The following ARHGAP12 variants were observed in gnomAD, a reference collection of about 807,000 sequenced individuals.
The protein encoded by ARHGAP12 is Rho GTPase activating protein 12.
In ARHGAP12, 64 loss-of-function variants were observed where a neutral mutation model predicts 108.6. The observed-to-expected ratio is 0.59, with a 90% CI of 0.48 to 0.73. The LOEUF is 0.73. Ranked by LOEUF, ARHGAP12 falls within the 30% of genes least tolerant of loss-of-function variation. The pLI, the probability that ARHGAP12 is intolerant of heterozygous loss-of-function variation, is 0.00. For missense variants in ARHGAP12, 940 were observed against 1,005.9 expected (o/e 0.93, Z 0.89); for synonymous variants, 312 against 337.2 (o/e 0.93, Z 0.82).
At chr10:31,902,355 C>CCTTTATA (rs1838963908) in intron 3 of ARHGAP12, among the ~76,000 whole-genome samples, 24 of 150,256 alleles carry the variant, frequency 1.6e-4, no homozygotes, top group Admixed American at 1.5e-3. Flanking sequence ...GAATCTTGAT[C>CCTTTATA]TAAGGCTCAC....
chr10:31,852,016 C>A (rs995499627), intron 6 of ARHGAP12, among the ~76,000 whole-genome samples: 2 of 152,162 alleles, frequency 1.3e-5, no homozygotes, highest in Non-Finnish European at 2.9e-5. Flanking sequence ...AGCCCTGGTA[C>A]ACTTGTCTGG....
At chr10:31,896,201 C>A (rs1308951161) in intron 3 of ARHGAP12, among the ~76,000 whole-genome samples, 1 of 150,566 alleles carries the variant, frequency 6.6e-6, no homozygotes, top group Non-Finnish European at 1.5e-5. Context: ...AACAAACCTG[C>A]ACATTGTGCA....
rs1335132233 is a variant in ARHGAP12 at position 31,807,732 on chromosome 10, C to T, written c.2467G>A (p.Ala823Thr). Residue 823 changes from alanine to threonine, a missense_variant, in exon 20 of 20, where the codon GCA (alanine) becomes ACA (threonine). Coordinates refer to ENST00000344936, the MANE Select transcript of ARHGAP12 (RefSeq NM_018287.7). Reference sequence around the variant, plus strand: ...TGATTCTGGTACACAGTATGAACTGCTATATTACCAGTCTCTTTTTCTGGT... The same window carrying T: ...TGATTCTGGTACACAGTATGAACTGTTATATTACCAGTCTCTTTTTCTGGT... Reference protein sequence around the residue: ...LKPEKETGNIAVHTVYQNQIV... With the variant: ...LKPEKETGNITVHTVYQNQIV... 11 of 1,608,632 alleles carry T rather than the reference C, an allele frequency of 6.8e-6. 1 individual carries two copies. The South Asian group carries it at 1.2e-4, about 18-fold the overall frequency.
rs567062294 is a variant in ARHGAP12 at position 31,905,071 on chromosome 10, G to A, written c.684+3101C>T. Among the ~76,000 whole-genome samples, 6 of 151,916 alleles carry A rather than the reference G, an allele frequency of 3.9e-5. No homozygotes were observed. The East Asian group carries it at 9.7e-4, about 24-fold the overall frequency. ...ACATAGGAGCTGAGGGTGTGATATC[G>A]ACAAGGAAGGGGCTCGAGACTGGTT... On this transcript the variant is annotated intron_variant, in intron 3 of 19. Transcript: ENST00000344936.
chr10:31,916,102 A>G (rs1164065576), intron 1 of ARHGAP12, among the ~76,000 whole-genome samples: 1 of 152,134 alleles, frequency 6.6e-6, no homozygotes, highest in East Asian at 1.9e-4. Context: ...TCCAAGCACA[A>G]TACTCCTGGA....
intron 4 of ARHGAP12, among the ~76,000 whole-genome samples, chr10:31,855,733 C>A (rs1022633937): frequency 2.0e-5 from 3 of 152,096 alleles, no homozygotes; most frequent in African/African-American, 7.2e-5. Flanking sequence ...ATTTAAGAAA[C>A]AAAATCACAG....
chr10:31,920,530 A>G (rs1296301555), intron 1 of ARHGAP12, among the ~76,000 whole-genome samples: 1 of 151,560 alleles, frequency 6.6e-6, no homozygotes, highest in Non-Finnish European at 1.5e-5. Context: ...CCAATCCCTC[A>G]GCACATTTTG....
chr10:31,918,523 C>T (rs1206970240), intron 1 of ARHGAP12, among the ~76,000 whole-genome samples: 1 of 152,018 alleles, frequency 6.6e-6, no homozygotes, highest in Non-Finnish European at 1.5e-5. Flanking sequence ...AGTAACATAA[C>T]GAGGCCCCGT....
intron 3 of ARHGAP12, among the ~76,000 whole-genome samples, chr10:31,867,882 C>T (rs1389701151): frequency 6.6e-6 from 1 of 151,204 alleles, no homozygotes; most frequent in African/African-American, 2.5e-5. Flanking sequence ...AGTGAAAATG[C>T]TATGAATGAT....
chr10:31,815,948 G>A (rs779181130), intron 13 of ARHGAP12, among the ~76,000 whole-genome samples: 13 of 152,070 alleles, frequency 8.5e-5, no homozygotes, highest in Non-Finnish European at 1.3e-4. Flanking sequence ...TGAGGAATTC[G>A]AGACCAGCCG....
intron 1 of ARHGAP12, among the ~76,000 whole-genome samples, chr10:31,918,539 C>T (rs533428555): frequency 1.3e-4 from 20 of 152,182 alleles, no homozygotes; most frequent in African/African-American, 4.8e-4. Flanking sequence ...CCCGTCTCTA[C>T]AAACAAAAAT....
At chr10:31,920,782 G>A (rs868473231) in intron 1 of ARHGAP12, among the ~76,000 whole-genome samples, 33 of 152,242 alleles carry the variant, frequency 2.2e-4, no homozygotes, top group African/African-American at 7.2e-4. Context: ...CAGTTTAGTA[G>A]TTTCTTACAA....
intron 5 of ARHGAP12, among the ~76,000 whole-genome samples, 182 bp downstream of exon 5, chr10:31,853,884 T>C (rs907004999): frequency 4.6e-5 from 7 of 152,202 alleles, no homozygotes; most frequent in African/African-American, 1.4e-4. Flanking sequence ...CTATCATCCT[T>C]AGCAGTTTAA....
chr10:31,922,180 C>CAAAAAAAAAAAAAAAA (rs56210740), intron 1 of ARHGAP12, among the ~76,000 whole-genome samples: 1 of 66,120 alleles, frequency 1.5e-5, no homozygotes. Flanking sequence ...GACCCTGCCT[C>CAAAAAAAAAAAAAAAA]AAAAAAAAAA....
chr10:31,886,890 T>C (rs912049734), intron 3 of ARHGAP12, among the ~76,000 whole-genome samples: 61 of 152,094 alleles, frequency 4.0e-4, no homozygotes, highest in African/African-American at 1.5e-3. Flanking sequence ...GGCTGAGAAG[T>C]TTTTGCAAAG....
chr10:31,922,042 T>TA (rs1213881585), intron 1 of ARHGAP12, among the ~76,000 whole-genome samples: 4 of 150,712 alleles, frequency 2.7e-5, no homozygotes, highest in African/African-American at 9.7e-5. Context: ...ATACAAAAAA[T>TA]TAGCCGGGTG....
At chr10:31,830,010 C>CA (rs112154124) in intron 10 of ARHGAP12, among the ~76,000 whole-genome samples, 3 of 151,716 alleles carry the variant, frequency 2.0e-5, no homozygotes, top group African/African-American at 7.3e-5. Context: ...TAAAGATTTA[C>CA]AAAAAAATGT....
At chr10:31,815,767 C>A (rs577667537) in intron 13 of ARHGAP12, among the ~76,000 whole-genome samples, 1 of 152,220 alleles carries the variant, frequency 6.6e-6, no homozygotes, top group Non-Finnish European at 1.5e-5. Context: ...TTGTAATTTT[C>A]CCTGCAAAGT....
intron 3 of ARHGAP12, among the ~76,000 whole-genome samples, chr10:31,888,812 T>A (rs1838286217): frequency 6.6e-6 from 1 of 151,960 alleles, no homozygotes; most frequent in Non-Finnish European, 1.5e-5. Context: ...AAAAAAAGGT[T>A]AAGAAAAAGA....
Sources: gnomAD v4.1 joint callset for allele counts (sites outside exome capture counted in the v4.1 genomes callset) on GRCh38, gnomAD v4.1.1 for gene constraint, MANE v1.5 for transcripts, NCBI Gene and HGNC (gene_info 2026-07-23, HGNC 2026-07-21) for gene names.